Variants in PHLPP1 observed in about 807,000 individuals in gnomAD.
The protein encoded by PHLPP1 is PH domain leucine-rich repeat-containing protein phosphatase 1.
Under a neutral mutation model 117.2 loss-of-function variants are expected in PHLPP1, and 42 were observed. The ratio of observed to expected loss-of-function variants is 0.36; its 90% CI spans 0.28 to 0.46. PHLPP1 has a LOEUF of 0.46. Ranked by LOEUF, PHLPP1 falls within the 20% of genes least tolerant of loss-of-function variation. The probability of loss-of-function intolerance (pLI) is 1.00; values close to 1 mark genes in which losing one functional copy is unlikely to be tolerated. For missense variants in PHLPP1, 2,084 were observed against 2,241.9 expected (o/e 0.93, Z 1.42); for synonymous variants, 1,042 against 970.7 (o/e 1.07, Z -1.37).
In PHLPP1 at chr18:62,822,575, C is replaced by T. The variant is rs147801619; in HGVS notation, c.1577-7460C>T. Among the ~76,000 whole-genome samples, 858 of 152,160 alleles carry T rather than the reference C, an allele frequency of 5.6e-3. 13 individuals are homozygous for T. Among genetic ancestry groups the T allele is most frequent in the African/African-American group, 0.02 (813 of 41,528 alleles). On this transcript the variant is annotated intron_variant, in intron 1 of 16. Transcript: ENST00000262719. ...CTGGGATTACAGGCGTGAGCCACTG[C>T]GCCTGGCCGCCAATAGTGTTTTAAA... is the stretch of plus-strand genomic sequence containing the variant.
chr18:62,949,195 G>A (rs2144463679), intron 12 of PHLPP1, among the ~76,000 whole-genome samples: 1 of 152,234 alleles, frequency 6.6e-6, no homozygotes, highest in East Asian at 1.9e-4. Context: ...TTTCAGAAAA[G>A]ATAAGATCAT....
intron 1 of PHLPP1, among the ~76,000 whole-genome samples, chr18:62,821,283 G>A (rs562482070): frequency 8.2e-4 from 125 of 151,982 alleles, no homozygotes; most frequent in African/African-American, 2.9e-3. Flanking sequence ...AAAAATATAT[G>A]TTAGTAAAAG....
intron 10 of PHLPP1, among the ~76,000 whole-genome samples, chr18:62,940,619 C>T (rs1372402240): frequency 6.6e-6 from 1 of 152,096 alleles, no homozygotes; most frequent in Non-Finnish European, 1.5e-5. Flanking sequence ...CTGCCTCGGC[C>T]TCCCAAAGTG....
intron 1 of PHLPP1, among the ~76,000 whole-genome samples, chr18:62,782,572 A>G (rs935286823): frequency 1.3e-5 from 2 of 152,240 alleles, no homozygotes; most frequent in Non-Finnish European, 2.9e-5. Flanking sequence ...GAATTCAGCT[A>G]TATGCACTCC....
intron 4 of PHLPP1, among the ~76,000 whole-genome samples, chr18:62,868,399 G>A (rs1841073130): frequency 6.6e-6 from 1 of 151,882 alleles, no homozygotes; most frequent in Admixed American, 6.6e-5. Context: ...GGCTAAGGTG[G>A]GTGGATGATT....
At chr18:62,733,085 G>T (rs1433098069) in intron 1 of PHLPP1, among the ~76,000 whole-genome samples, 1 of 152,174 alleles carries the variant, frequency 6.6e-6, no homozygotes, top group Non-Finnish European at 1.5e-5. Flanking sequence ...GGAGCAGCAG[G>T]GTTTGAGAGA....
chr18:62,716,430 C>T lies in PHLPP1; in HGVS notation c.747C>T (p.Gly249=). ...GCGGCGGCGTGGTGAAGGTGCTGGGCCAGGGGCCCGGAGCCGCCGCCGCCC... is the reference window on the plus strand; with the variant it reads ...GCGGCGGCGTGGTGAAGGTGCTGGGTCAGGGGCCCGGAGCCGCCGCCGCCC... ...HKGGGVVKVL[G]QGPGAAAARE... The change falls in exon 1 of 17, where the codon GGC becomes GGT. Residue 249 remains glycine (G), a synonymous_variant. Transcript: ENST00000262719. The surrounding 1 kb of genome is among the most constrained non-coding windows in gnomAD (Gnocchi z 5.7). The T allele has an allele frequency of 7.2e-7, 1 of 1,384,848 alleles. No homozygotes were observed. 85.8% of individuals were successfully genotyped at this position (1,384,848 alleles called of 1,614,324 possible).
intron 12 of PHLPP1, among the ~76,000 whole-genome samples, chr18:62,946,176 C>G (rs1731032596): frequency 6.6e-6 from 1 of 152,200 alleles, no homozygotes; most frequent in Admixed American, 6.5e-5. Flanking sequence ...TCTTCACTTT[C>G]CAGGCACTTG....
At chr18:62,968,289 T>C (rs1599146315) in intron 14 of PHLPP1, among the ~76,000 whole-genome samples, 1 of 152,272 alleles carries the variant, frequency 6.6e-6, no homozygotes, top group Middle Eastern at 3.4e-3. Context: ...TGTTTCCTCA[T>C]CTTGAGTTTT....
At chr18:62,879,852 G>A (rs1382386148) in intron 4 of PHLPP1, among the ~76,000 whole-genome samples, 1 of 152,136 alleles carries the variant, frequency 6.6e-6, no homozygotes, top group Non-Finnish European at 1.5e-5. Flanking sequence ...TTGAGAAATA[G>A]CCATACCATA....
intron 5 of PHLPP1, 57 bp downstream of exon 5, chr18:62,895,214 T>C: frequency 1.3e-6 from 2 of 1,555,342 alleles, no homozygotes; most frequent in South Asian, 2.3e-5. Context: ...GAAGCTGCAT[T>C]GGGGGTGTGG....
intron 7 of PHLPP1, among the ~76,000 whole-genome samples, chr18:62,903,966 A>G (rs1329142471): frequency 1.3e-5 from 2 of 152,318 alleles, no homozygotes; most frequent in East Asian, 1.9e-4. Context: ...TCCATTCCCT[A>G]CAGTCAGTAA....
chr18:62,850,985 G>T (rs1348456581), intron 3 of PHLPP1, among the ~76,000 whole-genome samples: 1 of 152,182 alleles, frequency 6.6e-6, no homozygotes, highest in African/African-American at 2.4e-5. Flanking sequence ...TGGCACTGCT[G>T]CATCCTCTTT....
At chr18:62,947,437 G>A (rs948661421) in intron 12 of PHLPP1, among the ~76,000 whole-genome samples, 44 of 152,198 alleles carry the variant, frequency 2.9e-4, no homozygotes, top group African/African-American at 9.9e-4. Context: ...TTAAGCAAAT[G>A]TTTATTTGCC....
intron 1 of PHLPP1, among the ~76,000 whole-genome samples, chr18:62,777,156 A>AT (rs1388633190): frequency 1.3e-5 from 2 of 152,170 alleles, no homozygotes; most frequent in African/African-American, 4.8e-5. Context: ...ACCATTTTGC[A>AT]TTTTCACTAG....
intron 10 of PHLPP1, among the ~76,000 whole-genome samples, chr18:62,929,413 T>C (rs1909741652): frequency 1.3e-5 from 2 of 152,264 alleles, no homozygotes; most frequent in South Asian, 4.2e-4. Flanking sequence ...AGGTGCTCAG[T>C]AGCCACATGT....
At chr18:62,935,304 T>C (rs2144444839) in intron 10 of PHLPP1, among the ~76,000 whole-genome samples, 1 of 152,318 alleles carries the variant, frequency 6.6e-6, no homozygotes, top group South Asian at 2.1e-4. Flanking sequence ...AGGAGGTTAC[T>C]TAAGAATAAA....
chr18:62,750,132 C>G (rs1911800883), intron 1 of PHLPP1, among the ~76,000 whole-genome samples: 1 of 152,216 alleles, frequency 6.6e-6, no homozygotes, highest in Non-Finnish European at 1.5e-5. Flanking sequence ...AAGACCCTGT[C>G]TCCAAATATA....
intron 1 of PHLPP1, among the ~76,000 whole-genome samples, chr18:62,761,653 A>C (rs1216521952): frequency 2.6e-5 from 4 of 151,572 alleles, no homozygotes; most frequent in Admixed American, 2.6e-4. Flanking sequence ...AAATAAAAAT[A>C]AAAAAATAAA....
Sources: gnomAD v4.1 joint callset for allele counts (sites outside exome capture counted in the v4.1 genomes callset) on GRCh38, gnomAD v4.1.1 for gene constraint, Gnocchi (gnomAD v3.1) non-coding constraint, MANE v1.5 for transcripts, NCBI Gene and HGNC (gene_info 2026-07-23, HGNC 2026-07-21) for gene names.